GALNTL6: variants seen among roughly 807,000 people sequenced by gnomAD.
GALNTL6 encodes the protein polypeptide N-acetylgalactosaminyltransferase like 6.
In GALNTL6, 46 loss-of-function variants were observed where a neutral mutation model predicts 73.7. The ratio of observed to expected loss-of-function variants is 0.62; its 90% CI spans 0.49 to 0.80. The LOEUF is 0.80. Among genes scored for constraint, GALNTL6 ranks in the 30% least tolerant of loss-of-function variants. GALNTL6 has a pLI of 0.00. For synonymous variants in GALNTL6, 259 were observed against 263.7 expected (o/e 0.98, Z 0.17); for missense variants, 604 against 755.0 (o/e 0.80, Z 2.34).
chr4:172,606,392 TGTG>T (rs905912732), intron 5 of GALNTL6, among the ~76,000 whole-genome samples: 13 of 149,104 alleles, frequency 8.7e-5, no homozygotes, highest in African/African-American at 1.2e-4. Flanking sequence ...AGGCAGAGGT[TGTG>T]GTGAGCCAAA....
At chr4:172,438,660 G>GAA (rs993298792) in intron 5 of GALNTL6, among the ~76,000 whole-genome samples, 7 of 151,988 alleles carry the variant, frequency 4.6e-5, no homozygotes, top group African/African-American at 1.7e-4. Flanking sequence ...AAAGTGACTA[G>GAA]AAAAAAATTC....
chr4:172,391,263 G>C (rs1231898757), intron 5 of GALNTL6, among the ~76,000 whole-genome samples: 1 of 152,182 alleles, frequency 6.6e-6, no homozygotes, highest in Admixed American at 6.5e-5. Flanking sequence ...TGTGAGGAGA[G>C]GAACGCTGTG....
intron 5 of GALNTL6, among the ~76,000 whole-genome samples, chr4:172,361,904 A>T (rs771906926): frequency 6.6e-6 from 1 of 152,104 alleles, no homozygotes; most frequent in Non-Finnish European, 1.5e-5. Context: ...TCATGTACTC[A>T]TGGGAAATTG....
At chr4:172,831,763 C>A (rs1742652774) in intron 7 of GALNTL6, among the ~76,000 whole-genome samples, 1 of 152,156 alleles carries the variant, frequency 6.6e-6, no homozygotes, top group Non-Finnish European at 1.5e-5. Flanking sequence ...GTGATGAAGT[C>A]ATGAAGGTAG....
rs192002747 is a variant in GALNTL6, at chr4:172,637,532, T to G, written c.554-171829T>G. 9.8e-4 allele frequency among the ~76,000 whole-genome samples: 150 copies of G among 152,316 alleles called. 1 individual carries two copies. Among genetic ancestry groups the G allele is most frequent in the Non-Finnish European group, 1.0e-4 (7 of 68,018 alleles). ...TCAAAAATATTAATCACGTTGATTA[T>G]CCTTAAGCAATTTCAAGTTTATTAT... On this transcript the variant is annotated intron_variant, in intron 5 of 12. Transcript: ENST00000506823.
intron 5 of GALNTL6, among the ~76,000 whole-genome samples, chr4:172,426,020 C>T (rs28452418): frequency 0.21 from 31,293 of 151,778 alleles, 3,539 homozygotes; most frequent in East Asian, 0.35. Flanking sequence ...TTTTAAATGA[C>T]GATATTAAAA....
chr4:172,729,490 T>C (rs1160729931), intron 5 of GALNTL6, among the ~76,000 whole-genome samples: 1 of 152,192 alleles, frequency 6.6e-6, no homozygotes, highest in East Asian at 1.9e-4. Flanking sequence ...TTGAAAAGAC[T>C]GTTCTTTCCT....
chr4:172,339,986 T>C (rs924083025), intron 4 of GALNTL6, among the ~76,000 whole-genome samples: 1 of 152,230 alleles, frequency 6.6e-6, no homozygotes, highest in African/African-American at 2.4e-5. Flanking sequence ...AACAAAACTT[T>C]CTTTTTTATA....
At chr4:171,892,293 A>G (rs1736783670) in intron 2 of GALNTL6, among the ~76,000 whole-genome samples, 1 of 152,216 alleles carries the variant, frequency 6.6e-6, no homozygotes, top group African/African-American at 2.4e-5. Flanking sequence ...TATCCCCCAT[A>G]TATAGAGGAT....
chr4:172,078,677 A>AT (rs1280345691), intron 2 of GALNTL6, among the ~76,000 whole-genome samples: 1 of 152,178 alleles, frequency 6.6e-6, no homozygotes, highest in African/African-American at 2.4e-5. Flanking sequence ...CTAGTATTTT[A>AT]ATATGGCGCT....
chr4:172,195,608 C>G lies in GALNTL6; in HGVS notation c.139-34048C>G, dbSNP rs183944003. Among the ~76,000 whole-genome samples, 32 of 152,234 alleles carry G rather than the reference C, an allele frequency of 2.1e-4. 1 individual carries two copies. The highest frequency in any genetic ancestry group is 1.0e-3 in the South Asian group (5 of 4,822). ...GCAGTCAAGCAGAACAAAGCACAAT[C>G]AAATTAAAACTCAAGATTAAGAAAC... is the stretch of plus-strand genomic sequence containing the variant. On this transcript the variant is annotated intron_variant, in intron 2 of 12. Transcript: ENST00000506823.
intron 5 of GALNTL6, among the ~76,000 whole-genome samples, chr4:172,546,826 G>GTGTATATATATACATATATATA: frequency 5.0e-4 from 1 of 2,006 alleles, no homozygotes; most frequent in East Asian, 0.019. Context: ...ATACGTATAT[G>GTGTATATATATACATATATATA]TATAATTGTA....
intron 6 of GALNTL6, among the ~76,000 whole-genome samples, chr4:172,810,955 T>A (rs1203698382): frequency 6.6e-6 from 1 of 151,412 alleles, no homozygotes; most frequent in Non-Finnish European, 1.5e-5. Flanking sequence ...GATTGTTCAC[T>A]ATGAATCTAA....
At chr4:171,850,289 C>G (rs1243631194) in intron 2 of GALNTL6, among the ~76,000 whole-genome samples, 1 of 152,160 alleles carries the variant, frequency 6.6e-6, no homozygotes. Context: ...CCCTATGCAT[C>G]AAAACGTAAA....
rs182412467 is a variant in GALNTL6, at chr4:172,730,457, T to C, written c.554-78904T>C. On this transcript the variant is annotated intron_variant, in intron 5 of 12. Coordinates refer to ENST00000506823, the MANE Select transcript of GALNTL6 (RefSeq NM_001034845.3). The stretch of plus-strand genomic sequence containing the variant: ...TTAATAAAGGGATGCTGAATTTTAT[T>C]AAATGCTTTTGAGGCATCTGTTGAA... Among the ~76,000 whole-genome samples the C allele has an allele frequency of 3.9e-5, 6 of 152,346 alleles. No individual in the cohort carries two copies. In the East Asian group the frequency reaches 1.2e-3, roughly 29 times the overall value.
chr4:172,261,215 T>A (rs1738246873), intron 3 of GALNTL6, among the ~76,000 whole-genome samples: 1 of 151,424 alleles, frequency 6.6e-6, no homozygotes, highest in Non-Finnish European at 1.5e-5. Context: ...TAGAATTCAT[T>A]TGTGAATCAA....
chr4:172,735,153 C>A (rs542903763), intron 5 of GALNTL6, among the ~76,000 whole-genome samples: 19 of 152,236 alleles, frequency 1.2e-4, no homozygotes, highest in Non-Finnish European at 2.1e-4. Flanking sequence ...TGACAGCTTG[C>A]ACTATGCACC....
At chr4:172,225,487 A>G (rs537787405) in intron 2 of GALNTL6, among the ~76,000 whole-genome samples, 3 of 151,758 alleles carry the variant, frequency 2.0e-5, no homozygotes, top group African/African-American at 7.3e-5. Context: ...CCCAACCCAT[A>G]ATAAGCCTCA....
rs376693024 is a variant in GALNTL6, at chr4:172,855,721, C to T, written c.924-27069C>T. On this transcript the variant is annotated intron_variant, in intron 7 of 12. Transcript: ENST00000506823. ...CTGGCCACATTAATACAATTTCTAC[C>T]AACACCCCAGAATTTCCTCAGCATG... Among the ~76,000 whole-genome samples, 7 of 152,262 alleles carry T rather than the reference C, an allele frequency of 4.6e-5. No homozygotes were observed. In the South Asian group the frequency reaches 1.5e-3, roughly 32 times the overall value.
Sources: allele counts gnomAD v4.1 joint callset (sites outside exome capture counted in the v4.1 genomes callset), GRCh38; gene constraint gnomAD v4.1.1; transcripts MANE v1.5; gene names NCBI Gene and HGNC (gene_info 2026-07-23, HGNC 2026-07-21).